Variants in MGMT observed in about 807,000 individuals in gnomAD.
MGMT encodes methylated-DNA--protein-cysteine methyltransferase.
MGMT carries 14 observed loss-of-function variants against 15.9 expected under a neutral mutation model. The ratio of observed to expected loss-of-function variants is 0.88; its 90% CI spans 0.58 to 1.37. The LOEUF (loss-of-function observed/expected upper bound fraction) is 1.37, where lower values mean the gene tolerates loss of function less well. Ranked by LOEUF, MGMT falls within the 40% of genes most tolerant of loss-of-function variation. The probability of loss-of-function intolerance (pLI) is 0.00; values close to 1 mark genes in which losing one functional copy is unlikely to be tolerated. For synonymous variants in MGMT, 130 were observed against 118.2 expected (o/e 1.10, Z -0.65); for missense variants, 282 against 268.1 (o/e 1.05, Z -0.36).
chr10:129,685,087 G>T (rs1847890625), intron 2 of MGMT, among the ~76,000 whole-genome samples: 1 of 152,236 alleles, frequency 6.6e-6, no homozygotes, highest in African/African-American at 2.4e-5. Context: ...AGAATGTTCT[G>T]TGAGGAGATT....
At chr10:129,588,590 A>G (rs1337838964) in intron 2 of MGMT, among the ~76,000 whole-genome samples, 1 of 151,710 alleles carries the variant, frequency 6.6e-6, no homozygotes, top group African/African-American at 2.4e-5. Context: ...GCCAAGACCC[A>G]CTGTGTACCT....
chr10:129,632,536 C>G (rs1847221956), intron 2 of MGMT, among the ~76,000 whole-genome samples: 1 of 152,166 alleles, frequency 6.6e-6, no homozygotes, highest in African/African-American at 2.4e-5. Context: ...TGGTTTTTGT[C>G]CCAACAATAG....
rs575983984 is a variant in MGMT at position 129,612,369 on chromosome 10, C to T, written c.125+75992C>T. 9.8e-5 allele frequency among the ~76,000 whole-genome samples: 15 copies of T among 152,328 alleles called. No homozygotes were observed. The East Asian group carries it at 2.5e-3, about 25-fold the overall frequency. On this transcript the variant is annotated intron_variant, in intron 2 of 4. Coordinates refer to ENST00000651593, the MANE Select transcript of MGMT (RefSeq NM_002412.5). The stretch of plus-strand genomic sequence containing the variant: ...CGAAGCATATCCAACCCCCACTTCC[C>T]GTCATGCCTGAAACAGTCTCTCAGG...
chr10:129,476,130 G>A (rs905925279), intron 1 of MGMT, among the ~76,000 whole-genome samples: 14 of 152,238 alleles, frequency 9.2e-5, no homozygotes, highest in South Asian at 2.1e-4. Context: ...AGAAGCAGTC[G>A]TTGAATTTTC....
At chr10:129,762,347 G>A (rs1301062008) in intron 4 of MGMT, among the ~76,000 whole-genome samples, 2 of 152,214 alleles carry the variant, frequency 1.3e-5, no homozygotes, top group African/African-American at 4.8e-5. Flanking sequence ...ACAGGAGCAC[G>A]TGCTGGTTCA....
Position 129,770,658 on chromosome 10 carries a change from A to T in MGMT, c.*3661A>T, listed in dbSNP as rs768967205. ...GCTACTTGGGCTTCTCACAGCACAG[A>T]GGAGGATTCTGAAGTGAGAGATAAA... On this transcript the variant is annotated 3_prime_UTR_variant, in exon 5 of 5. Coordinates refer to ENST00000651593, the MANE Select transcript of MGMT (RefSeq NM_002412.5). 6.6e-6 allele frequency among the ~76,000 whole-genome samples: 1 copy of T among 152,232 alleles called. No individual in the cohort carries two copies. Among genetic ancestry groups the T allele is most frequent in the Non-Finnish European group, 1.5e-5 (1 of 68,052 alleles).
intron 2 of MGMT, among the ~76,000 whole-genome samples, chr10:129,610,590 G>T (rs746608030): frequency 6.6e-6 from 1 of 152,158 alleles, no homozygotes; most frequent in African/African-American, 2.4e-5. Context: ...AACTAAAACA[G>T]GGGTTGGCCA....
intron 2 of MGMT, among the ~76,000 whole-genome samples, chr10:129,663,945 G>A (rs533565769): frequency 2.0e-5 from 3 of 152,164 alleles, no homozygotes; most frequent in Admixed American, 6.5e-5. Context: ...GAAGGGAAAC[G>A]TCCCATATTT....
chr10:129,612,968 T>G (rs567942178), intron 2 of MGMT, among the ~76,000 whole-genome samples: 4 of 152,266 alleles, frequency 2.6e-5, no homozygotes, highest in South Asian at 4.2e-4. Flanking sequence ...GGTCCTTGCT[T>G]AAATCAGTTA....
At chr10:129,551,014 G>A (rs542667681) in intron 2 of MGMT, among the ~76,000 whole-genome samples, 34 of 152,258 alleles carry the variant, frequency 2.2e-4, no homozygotes, top group African/African-American at 7.5e-4. Context: ...GAGCCATTTC[G>A]GGTAGGGCCC....
At chr10:129,613,677 G>T (rs142406411) in intron 2 of MGMT, among the ~76,000 whole-genome samples, 49 of 152,352 alleles carry the variant, frequency 3.2e-4, no homozygotes, top group Non-Finnish European at 5.9e-4. Flanking sequence ...ATTTAAATGA[G>T]CCTCCCTTCC....
chr10:129,618,454 C>T (rs1436329004), intron 2 of MGMT, among the ~76,000 whole-genome samples: 2 of 151,932 alleles, frequency 1.3e-5, no homozygotes, highest in African/African-American at 2.4e-5. Context: ...CTCCAAATTT[C>T]GTTGTTTTTT....
rs145735136 is a variant in MGMT at position 129,625,878 on chromosome 10, C to G, written c.126-82017C>G. On this transcript the variant is annotated intron_variant, in intron 2 of 4. Coordinates refer to ENST00000651593, the MANE Select transcript of MGMT (RefSeq NM_002412.5). ...TCAAGTTTTCCCCAGCTAAATCTTT[C>G]CCATTTCTTTCTCTAAATCCCTTTT... Among the ~76,000 whole-genome samples, 459 of 152,282 alleles carry G rather than the reference C, an allele frequency of 3.0e-3. 2 individuals are homozygous for G. Among genetic ancestry groups the G allele is most frequent in the African/African-American group, 0.01 (419 of 41,564 alleles).
chr10:129,507,751 G>A (rs1026809918), intron 1 of MGMT, among the ~76,000 whole-genome samples: 3 of 152,190 alleles, frequency 2.0e-5, no homozygotes, highest in South Asian at 2.1e-4. Context: ...ATTTCTTCGC[G>A]CACTGCTGTG....
chr10:129,492,554 T>C (rs1166128504), intron 1 of MGMT, among the ~76,000 whole-genome samples: 4 of 152,344 alleles, frequency 2.6e-5, no homozygotes, highest in African/African-American at 9.6e-5. Context: ...GATTGCACTT[T>C]TGGGGTTCTG....
chr10:129,486,054 T>C (rs763681960), intron 1 of MGMT, among the ~76,000 whole-genome samples: 87 of 152,286 alleles, frequency 5.7e-4, no homozygotes, highest in East Asian at 1.7e-3. Flanking sequence ...TATAGATAGA[T>C]AGCCTTTTTA....
chr10:129,764,976 C>T (rs1015560467), intron 4 of MGMT, among the ~76,000 whole-genome samples: 1 of 152,136 alleles, frequency 6.6e-6, no homozygotes, highest in Non-Finnish European at 1.5e-5. Context: ...CTCCCATGTG[C>T]CTTCTACGTG....
At chr10:129,591,669 C>T (rs1396828043) in intron 2 of MGMT, among the ~76,000 whole-genome samples, 2 of 152,302 alleles carry the variant, frequency 1.3e-5, no homozygotes, top group East Asian at 3.9e-4. Flanking sequence ...CGGTGGCTCA[C>T]GCCTGTAATC....
chr10:129,639,676 C>G (rs576484715), intron 2 of MGMT, among the ~76,000 whole-genome samples: 1 of 152,012 alleles, frequency 6.6e-6, no homozygotes, highest in African/African-American at 2.4e-5. Context: ...CTGTGGGTTG[C>G]GGCTAAAAGT....
Sources: allele counts gnomAD v4.1 joint callset (sites outside exome capture counted in the v4.1 genomes callset), GRCh38; gene constraint gnomAD v4.1.1; transcripts MANE v1.5; gene names NCBI Gene and HGNC (gene_info 2026-07-23, HGNC 2026-07-21).